GPR39: variants seen among roughly 807,000 people sequenced by gnomAD.
The protein encoded by GPR39 is zinc sensing receptor.
In GPR39, 23 loss-of-function variants were observed where a neutral mutation model predicts 18.4. That is an observed-to-expected ratio of 1.25 (90% CI 0.90 to 1.77). GPR39 has a LOEUF of 1.77. Among genes scored for constraint, GPR39 ranks in the 40% most tolerant of loss-of-function variants. The pLI, the probability that GPR39 is intolerant of heterozygous loss-of-function variation, is 0.00. For missense variants in GPR39, 647 were observed against 602.4 expected (o/e 1.07, Z -0.78); for synonymous variants, 280 against 257.9 (o/e 1.09, Z -0.82).
chr2:132,597,827 C>A (rs552688103), intron 1 of GPR39, among the ~76,000 whole-genome samples: 2 of 152,288 alleles, frequency 1.3e-5, no homozygotes, highest in East Asian at 3.9e-4. Flanking sequence ...ACACTATTGA[C>A]CCACTAGGCA....
In GPR39 at chr2:132,436,819, A is replaced by G. The variant is rs149826327; in HGVS notation, c.856+18921A>G. Among the ~76,000 whole-genome samples the G allele has an allele frequency of 1.2e-3, 182 of 152,306 alleles. 1 individual carries two copies. Among genetic ancestry groups the G allele is most frequent in the Middle Eastern group, 6.8e-3 (2 of 294 alleles). ...CAGTTTCCATCAATCAAATCAGATA[A>G]CAGCAGTGTGTCTCCTCATCCCGCA... On this transcript the variant is annotated intron_variant, in intron 1 of 1. Coordinates refer to ENST00000329321, the MANE Select transcript of GPR39 (RefSeq NM_001508.3).
rs201445689 is a variant in GPR39 at position 132,594,035 on chromosome 2, A to G, written c.857-51066A>G. Among the ~76,000 whole-genome samples the G allele has an allele frequency of 9.9e-5, 15 of 152,284 alleles. No homozygotes were observed. The East Asian group carries it at 2.9e-3, about 29-fold the overall frequency. On this transcript the variant is annotated intron_variant, in intron 1 of 1. Transcript: ENST00000329321. ...CCAAATTCTTTAGTCAAATCTTTAC[A>G]GGTAATCTCTGGGTTGATTGTCACA...
intron 1 of GPR39, among the ~76,000 whole-genome samples, chr2:132,549,524 C>T (rs568810087): frequency 6.6e-6 from 1 of 152,174 alleles, no homozygotes; most frequent in Non-Finnish European, 1.5e-5. Context: ...CACGGTGGCT[C>T]ACGCCTGTAA....
chr2:132,539,503 T>A (rs764237679), intron 1 of GPR39, among the ~76,000 whole-genome samples: 2 of 152,206 alleles, frequency 1.3e-5, no homozygotes, highest in African/African-American at 4.8e-5. Context: ...ATTTGGTCAT[T>A]GTGGCCCCCA....
At chr2:132,636,911 C>T (rs1681771742) in intron 1 of GPR39, among the ~76,000 whole-genome samples, 2 of 152,148 alleles carry the variant, frequency 1.3e-5, no homozygotes, top group African/African-American at 4.8e-5. Flanking sequence ...CTCCTCATTA[C>T]CACCACCCAC....
At chr2:132,558,108 T>A (rs563579848) in intron 1 of GPR39, among the ~76,000 whole-genome samples, 1 of 152,078 alleles carries the variant, frequency 6.6e-6, no homozygotes, top group Non-Finnish European at 1.5e-5. Flanking sequence ...GCTGATCCAG[T>A]GCAATAATAA....
rs3748859 is a variant in GPR39 at position 132,438,560 on chromosome 2, T to C, written c.856+20662T>C. Among the ~76,000 whole-genome samples, 9 of 148,584 alleles carry C rather than the reference T, an allele frequency of 6.1e-5. No individual in the cohort carries two copies. The East Asian group carries it at 1.8e-3, about 29-fold the overall frequency. Reference sequence around the variant, plus strand: ...GTTTCTATATAGCTCATGATACCTGTAATGTCAGCAAGCTTTTTTTTTTTT... The same window carrying C: ...GTTTCTATATAGCTCATGATACCTGCAATGTCAGCAAGCTTTTTTTTTTTT... On this transcript the variant is annotated intron_variant, in intron 1 of 1. Transcript: ENST00000329321.
chr2:132,646,338 CCT>C lies in GPR39; in HGVS notation c.*736_*737del, dbSNP rs879553535. ...GTGCACCGGCAAAAGAATAGCTGTC[CCT>C]CTCAGCCCAAATCCAAACGGACAGC... On this transcript the variant is annotated 3_prime_UTR_variant, in exon 2 of 2. Coordinates refer to ENST00000329321, the MANE Select transcript of GPR39 (RefSeq NM_001508.3). 8.2e-7 allele frequency: 1 copy of C among 1,214,014 alleles called. No individual in the cohort carries two copies. The highest frequency in any genetic ancestry group is 2.9e-5 in the East Asian group (1 of 35,032). 75.2% of individuals were successfully genotyped at this position (1,214,014 alleles called of 1,614,324 possible).
intron 1 of GPR39, among the ~76,000 whole-genome samples, chr2:132,629,637 A>C (rs1292506882): frequency 6.6e-6 from 1 of 152,240 alleles, no homozygotes; most frequent in Non-Finnish European, 1.5e-5. Flanking sequence ...AAGGAAACTC[A>C]TCTGTCATCT....
At chr2:132,480,322 T>C (rs1267760263) in intron 1 of GPR39, among the ~76,000 whole-genome samples, 2 of 152,108 alleles carry the variant, frequency 1.3e-5, no homozygotes, top group Non-Finnish European at 1.5e-5. Flanking sequence ...AAGAAAAATT[T>C]CTGGAGCTCT....
intron 1 of GPR39, among the ~76,000 whole-genome samples, chr2:132,480,254 G>A (rs960212172): frequency 7.2e-5 from 11 of 152,140 alleles, no homozygotes; most frequent in African/African-American, 2.7e-4. Flanking sequence ...CCAGGGACTA[G>A]GAGGAGGAGG....
chr2:132,508,422 G>A (rs908832799), intron 1 of GPR39, among the ~76,000 whole-genome samples: 3 of 152,158 alleles, frequency 2.0e-5, no homozygotes, highest in South Asian at 2.1e-4. Context: ...TTCTGAGGTC[G>A]TGCCTGAGCT....
chr2:132,581,115 A>C (rs1395881496), intron 1 of GPR39, among the ~76,000 whole-genome samples: 1 of 151,380 alleles, frequency 6.6e-6, no homozygotes, highest in African/African-American at 2.4e-5. Context: ...GATTGGGAAA[A>C]ACCTGTGAGG....
In GPR39 at chr2:132,465,127, G is replaced by T. The variant is rs925903740; in HGVS notation, c.856+47229G>T. Reference sequence around the variant, plus strand: ...TAATTTGGAATATGTGAAAGTGATTGGTTCTCTCTGAAACCTCAAGGAACA... The same window carrying T: ...TAATTTGGAATATGTGAAAGTGATTTGTTCTCTCTGAAACCTCAAGGAACA... On this transcript the variant is annotated intron_variant, in intron 1 of 1. Transcript: ENST00000329321. 2.0e-5 allele frequency among the ~76,000 whole-genome samples: 3 copies of T among 152,090 alleles called. No individual in the cohort carries two copies. The South Asian group carries it at 6.2e-4, about 32-fold the overall frequency.
chr2:132,544,746 G>A (rs1461118624), intron 1 of GPR39, among the ~76,000 whole-genome samples: 1 of 152,188 alleles, frequency 6.6e-6, no homozygotes, highest in Non-Finnish European at 1.5e-5. Flanking sequence ...TGTCCAAGAA[G>A]AATGAGGTTA....
rs60267293 is a variant in GPR39, at chr2:132,546,839, C to CAAAA, written c.857-98239_857-98236dup. On this transcript the variant is annotated intron_variant, in intron 1 of 1. Transcript: ENST00000329321. ...TCTCCAGGATGCAGTAGCTCCACAG[C>CAAAA]AAAAAAAAAAAAAAAAAAAAAAAAA... is the stretch of plus-strand genomic sequence containing the variant. Among the ~76,000 whole-genome samples, 45 of 33,972 alleles carry CAAAA rather than the reference C, an allele frequency of 1.3e-3. 6 individuals carry two copies. The highest frequency in any genetic ancestry group is 3.7e-3 in the African/African-American group (41 of 11,070). The allele number at this position is 33,972 out of a possible 152,430, so 22.3% of individuals were successfully genotyped here.
At chr2:132,610,558 C>T (rs1681220146) in intron 1 of GPR39, among the ~76,000 whole-genome samples, 1 of 151,966 alleles carries the variant, frequency 6.6e-6, no homozygotes, top group South Asian at 2.1e-4. Context: ...GGGTGGATCA[C>T]TTGAGGTCAG....
chr2:132,596,891 C>T (rs957573081), intron 1 of GPR39, among the ~76,000 whole-genome samples: 1 of 152,144 alleles, frequency 6.6e-6, no homozygotes, highest in African/African-American at 2.4e-5. Context: ...CATTGCCTGG[C>T]TTTTTGATTG....
At chr2:132,504,686 G>A (rs1679102690) in intron 1 of GPR39, among the ~76,000 whole-genome samples, 1 of 152,034 alleles carries the variant, frequency 6.6e-6, no homozygotes, top group African/African-American at 2.4e-5. Context: ...CATATTTTGT[G>A]TTTGCACATA....
Sources: gnomAD v4.1 joint callset for allele counts (sites outside exome capture counted in the v4.1 genomes callset) on GRCh38, gnomAD v4.1.1 for gene constraint, MANE v1.5 for transcripts, NCBI Gene and HGNC (gene_info 2026-07-23, HGNC 2026-07-21) for gene names.